The following RREB1 variants were observed in gnomAD, a reference collection of about 807,000 sequenced individuals.
The protein encoded by RREB1 is ras-responsive element-binding protein 1.
A neutral mutation model predicts 117.8 loss-of-function variants in RREB1; 27 were observed. That is an observed-to-expected ratio of 0.23 (90% confidence interval 0.17 to 0.32). The LOEUF (loss-of-function observed/expected upper bound fraction) is 0.32, where lower values mean the gene tolerates loss of function less well. Ranked by LOEUF, RREB1 falls within the 10% of genes least tolerant of loss-of-function variation. The pLI, the probability that RREB1 is intolerant of heterozygous loss-of-function variation, is 1.00. For missense variants in RREB1, 2,577 were observed against 2,378.2 expected, an observed-to-expected ratio of 1.08 and a Z score of -1.74; for synonymous variants, 1,298 against 1,026.7, an observed-to-expected ratio of 1.26 and a Z score of -5.05.
In RREB1 at chr6:7,230,391, C is replaced by T; in HGVS notation, c.2292C>T (p.His764=). 2 of 1,591,846 alleles carry T rather than the reference C, an allele frequency of 1.3e-6. No individual in the cohort carries two copies. The highest frequency in any genetic ancestry group is 1.7e-6 in the Non-Finnish European group (2 of 1,174,062). Residue 764 remains histidine, a synonymous_variant, in exon 10 of 13, where the codon CAC becomes CAT. Coordinates refer to ENST00000379938, the MANE Select transcript of RREB1 (RefSeq NM_001003699.4). ...GGCTGTGCGGCGAGGACCTCAAGCA[C>T]TATCGTGCCCTGCGCATCCACATGC... ...VCRLCGEDLK[H]YRALRIHMRT...
At chr6:7,202,381 A>T (rs1344117906) in intron 6 of RREB1, among the ~76,000 whole-genome samples, 1 of 152,188 alleles carries the variant, frequency 6.6e-6, no homozygotes, top group African/African-American at 2.4e-5. Context: ...AAGACACCTC[A>T]AGTGATCGCC....
intron 1 of RREB1, among the ~76,000 whole-genome samples, chr6:7,113,753 C>A (rs1481540061): frequency 2.6e-5 from 4 of 152,132 alleles, no homozygotes; most frequent in Non-Finnish European, 5.9e-5. Flanking sequence ...AAGACCAGAT[C>A]CTTTTCAAAA....
At position 7,231,104 on chromosome 6, in the gene RREB1, A is replaced by T; in HGVS notation, c.3005A>T (p.Glu1002Val). 6.2e-7 allele frequency: 1 copy of T among 1,612,864 alleles called. No homozygotes were observed. Among genetic ancestry groups the T allele is most frequent in the Non-Finnish European group, 8.5e-7 (1 of 1,179,934 alleles). ...GCCCCTGCTCCGGCGGCCACCCCGG[A>T]ACCCCCAGCACAGCCCCTGCAGGGC... ...PMAPAPAATP[E>V]PPAQPLQGPV... is the part of the protein sequence containing the mutation. The change falls in exon 10 of 13, where the codon GAA becomes GTA. Residue 1002 changes from glutamate to valine, a missense_variant. Coordinates refer to ENST00000379938, the MANE Select transcript of RREB1 (RefSeq NM_001003699.4).
chr6:7,242,355 A>T (rs1768759225), intron 11 of RREB1, among the ~76,000 whole-genome samples: 1 of 152,154 alleles, frequency 6.6e-6, no homozygotes, highest in African/African-American at 2.4e-5. Flanking sequence ...TTGTTGTCCA[A>T]ATCCCAACAA....
intron 12 of RREB1, 41 bp downstream of exon 12, chr6:7,247,262 G>A (rs757808507): frequency 6.4e-7 from 1 of 1,560,914 alleles, no homozygotes; most frequent in South Asian, 1.2e-5. Context: ...ACAAGAGGAG[G>A]CGAGCCGGGC....
At chr6:7,159,597 C>T (rs191965605) in intron 1 of RREB1, among the ~76,000 whole-genome samples, 16 of 152,230 alleles carry the variant, frequency 1.1e-4, no homozygotes, top group East Asian at 5.8e-4. Flanking sequence ...AATATCAAAA[C>T]GCTGATGAGA....
intron 11 of RREB1, among the ~76,000 whole-genome samples, chr6:7,241,994 G>C (rs1337496216): frequency 6.6e-6 from 1 of 152,210 alleles, no homozygotes; most frequent in Admixed American, 6.5e-5. Flanking sequence ...GTTTGCTGCA[G>C]ACCATCCTGT....
chr6:7,223,633 T>C (rs1407608112), intron 8 of RREB1, among the ~76,000 whole-genome samples: 3 of 150,508 alleles, frequency 2.0e-5, no homozygotes, highest in African/African-American at 7.4e-5. Context: ...ATTTTTTATC[T>C]CACCCTTTTA....
intron 1 of RREB1, among the ~76,000 whole-genome samples, chr6:7,162,801 A>G (rs1406390977): frequency 2.0e-5 from 3 of 151,828 alleles, no homozygotes; most frequent in South Asian, 4.2e-4. Context: ...GCTGCAGGAA[A>G]CTGAGTAGAC....
At chr6:7,196,332 T>A (rs1765675685) in intron 6 of RREB1, among the ~76,000 whole-genome samples, 1 of 151,426 alleles carries the variant, frequency 6.6e-6, no homozygotes, top group Non-Finnish European at 1.5e-5. Context: ...TTGAGGTGCC[T>A]TTATAGAGCA....
At chr6:7,141,386 G>A (rs1382652491) in intron 1 of RREB1, among the ~76,000 whole-genome samples, 1 of 152,234 alleles carries the variant, frequency 6.6e-6, no homozygotes, top group Admixed American at 6.5e-5. Flanking sequence ...CTTCAGAGAT[G>A]CCTTTAGCAA....
chr6:7,234,425 T>C (rs184685730), intron 10 of RREB1, among the ~76,000 whole-genome samples: 1 of 152,244 alleles, frequency 6.6e-6, no homozygotes, highest in Admixed American at 6.5e-5. Context: ...ATTTTCTTTT[T>C]TAAGAGTTGT....
At chr6:7,210,974 C>T in intron 7 of RREB1, 26 bp downstream of exon 7, 2 of 1,605,652 alleles carry the variant, frequency 1.2e-6, no homozygotes, top group Non-Finnish European at 1.7e-6. Flanking sequence ...AGTGCAGATT[C>T]ACCTGCTCAG....
At chr6:7,226,395 G>A (rs541434992) in intron 8 of RREB1, 72 bp from the exon 9 acceptor site, 15 of 1,143,628 alleles carry the variant, frequency 1.3e-5, no homozygotes, top group Non-Finnish European at 1.7e-5. Flanking sequence ...TGGAAGAGTG[G>A]AAACTCTGAC....
chr6:7,223,688 A>T (rs1017271439), intron 8 of RREB1, among the ~76,000 whole-genome samples: 1 of 152,242 alleles, frequency 6.6e-6, no homozygotes, highest in African/African-American at 2.4e-5. Flanking sequence ...ATATATGCAA[A>T]TACATATGTA....
intron 1 of RREB1, among the ~76,000 whole-genome samples, chr6:7,135,684 TG>T (rs1762321833): frequency 6.6e-6 from 1 of 152,230 alleles, no homozygotes; most frequent in Non-Finnish European, 1.5e-5. Context: ...GTCTAGGACT[TG>T]GGACTGGGAG....
intron 1 of RREB1, among the ~76,000 whole-genome samples, chr6:7,167,010 T>C (rs970749756): frequency 2.0e-5 from 3 of 152,206 alleles, no homozygotes; most frequent in Admixed American, 2.0e-4. Context: ...TTCAGAGATG[T>C]GTCCCAGAAC....
chr6:7,110,790 T>G (rs1761103468), intron 1 of RREB1, among the ~76,000 whole-genome samples: 1 of 152,238 alleles, frequency 6.6e-6, no homozygotes, highest in African/African-American at 2.4e-5. Context: ...TGTCTTGTTT[T>G]TAAAGAGGAT....
chr6:7,139,077 G>C (rs1762456621), intron 1 of RREB1, among the ~76,000 whole-genome samples: 1 of 152,138 alleles, frequency 6.6e-6, no homozygotes, highest in South Asian at 2.1e-4. Flanking sequence ...ACTCCTGTAA[G>C]GCCCAGAATT....
Sources: allele counts gnomAD v4.1 joint callset (sites outside exome capture counted in the v4.1 genomes callset), GRCh38; gene constraint gnomAD v4.1.1; transcripts MANE v1.5; gene names NCBI Gene and HGNC (gene_info 2026-07-23, HGNC 2026-07-21).